The following ART3 variants were observed in gnomAD, a reference collection of about 807,000 sequenced individuals.
The protein encoded by ART3 is ADP-ribosyltransferase 3 (inactive), also known as ecto-ADP-ribosyltransferase 3.
ART3 carries 49 observed loss-of-function variants against 48.5 expected under a neutral mutation model. The observed-to-expected ratio is 1.01, with a 90% CI of 0.80 to 1.28. The LOEUF (loss-of-function observed/expected upper bound fraction) is 1.28, where lower values mean the gene tolerates loss of function less well. ART3 is among the 50% of genes most tolerant of loss of function. ART3 has a pLI of 0.00. For synonymous variants in ART3, 145 were observed against 157.2 expected, an observed-to-expected ratio of 0.92 and a Z score of 0.58; for missense variants, 438 against 454.3, an observed-to-expected ratio of 0.96 and a Z score of 0.33.
At chr4:76,057,162 G>C (rs1718773285) in intron 1 of ART3, among the ~76,000 whole-genome samples, 1 of 152,018 alleles carries the variant, frequency 6.6e-6, no homozygotes, top group East Asian at 1.9e-4. Flanking sequence ...TCATAATATT[G>C]ATATGTGTTA....
chr4:76,022,424 A>G, intron 1 of ART3: 2 of 1,613,536 alleles, frequency 1.2e-6, no homozygotes, highest in Non-Finnish European at 1.7e-6. Flanking sequence ...GGATTCAGAC[A>G]TCTCTTCTCA....
At chr4:76,101,077 T>C (rs1727208462) in intron 8 of ART3, 58 bp downstream of exon 8, 1 of 1,588,844 alleles carries the variant, frequency 6.3e-7, no homozygotes, top group Non-Finnish European at 8.6e-7. Flanking sequence ...TCCCTTTACA[T>C]GTGGGAACAG....
chr4:76,051,363 C>G (rs13113632), intron 1 of ART3, among the ~76,000 whole-genome samples: 1 of 151,870 alleles, frequency 6.6e-6, no homozygotes, highest in African/African-American at 2.4e-5. Flanking sequence ...ATTAAAATAC[C>G]CGTCCCAGAA....
At position 76,038,736 on chromosome 4, in the gene ART3, T is replaced by C. The variant is rs547226998; in HGVS notation, c.-10+27416T>C. Among the ~76,000 whole-genome samples the C allele has an allele frequency of 9.2e-4, 116 of 125,430 alleles. 2 individuals carry two copies. Among genetic ancestry groups the C allele is most frequent in the African/African-American group, 3.3e-3 (106 of 32,410 alleles). 82.3% of individuals were successfully genotyped at this position (125,430 alleles called of 152,430 possible). On this transcript the variant is annotated intron_variant, in intron 1 of 9. Transcript: ENST00000341029. ...ATTTATTTATTTATTTATTTATTTA[T>C]CTTTGAGATGGATTCTTGCTCTGTA...
chr4:76,087,503 T>C (rs1723864580), intron 3 of ART3, among the ~76,000 whole-genome samples: 1 of 152,164 alleles, frequency 6.6e-6, no homozygotes, highest in Non-Finnish European at 1.5e-5. Flanking sequence ...GAGAATCTTG[T>C]TCCATTGTGA....
At chr4:76,106,410 A>G in intron 10 of ART3, 9 of 974,364 alleles carry the variant, frequency 9.2e-6, no homozygotes, top group Non-Finnish European at 1.1e-5. Context: ...TTTATTTTAG[A>G]GAAAACAAAC....
intron 1 of ART3, chr4:76,034,304 A>G (rs919741368): frequency 1.3e-5 from 5 of 397,872 alleles, no homozygotes; most frequent in African/African-American, 8.2e-5. Context: ...TCCAGTAATA[A>G]TGTCAATGTC....
In ART3 at chr4:76,097,679, A is replaced by G. The variant is rs770210531; in HGVS notation, c.814+3A>G. ...CGAAAACTGTATTGAGAACCTAGGT[A>G]AGATAGCTTTAAAGTCTTATCCCTA... On this transcript the variant is annotated splice_donor_region_variant and intron_variant, in intron 4 of 11. Coordinates refer to ENST00000355810, the MANE Select transcript of ART3 (RefSeq NM_001130016.3). The G allele has an allele frequency of 1.9e-6, 3 of 1,607,758 alleles. No individual in the cohort carries two copies. The South Asian group carries it at 3.3e-5, about 18-fold the overall frequency.
At chr4:76,112,175 C>T (rs566890974) in intron 11 of ART3, among the ~76,000 whole-genome samples, 1 of 152,282 alleles carries the variant, frequency 6.6e-6, no homozygotes, top group Non-Finnish European at 1.5e-5. Flanking sequence ...CACCCCAACA[C>T]CCGTATTAAG....
intron 1 of ART3, among the ~76,000 whole-genome samples, chr4:76,018,447 A>AG (rs1732460347): frequency 1.3e-5 from 2 of 152,186 alleles, no homozygotes; most frequent in African/African-American, 4.8e-5. Context: ...CAGTGGGGGT[A>AG]GGGAGGAAGA....
intron 1 of ART3, chr4:76,035,169 A>G (rs1435326630): frequency 1.2e-6 from 2 of 1,613,254 alleles, no homozygotes; most frequent in African/African-American, 1.3e-5. Flanking sequence ...AAATACATAA[A>G]CAAAAAAGCC....
At chr4:76,036,014 G>A in intron 1 of ART3, 14 of 1,605,170 alleles carry the variant, frequency 8.7e-6, no homozygotes, top group Non-Finnish European at 1.2e-5. Context: ...TGCTGCTGGT[G>A]CTGCTGCTGC....
chr4:76,083,153 A>C (rs536650301), intron 3 of ART3, among the ~76,000 whole-genome samples: 1 of 152,288 alleles, frequency 6.6e-6, no homozygotes, highest in East Asian at 1.9e-4. Flanking sequence ...AGCTGTAATC[A>C]CACCACTGCA....
At chr4:76,051,897 TC>T (rs531177305) in intron 1 of ART3, among the ~76,000 whole-genome samples, 1,785 of 54,016 alleles carry the variant, frequency 0.033, 105 homozygotes, top group African/African-American at 0.15. Context: ...TCTCTCTCTC[TC>T]TTTTTTTTTT....
intron 1 of ART3, among the ~76,000 whole-genome samples, chr4:76,015,255 T>A (rs1449721072): frequency 6.6e-6 from 1 of 152,214 alleles, no homozygotes; most frequent in African/African-American, 2.4e-5. Flanking sequence ...CACAGTGCTG[T>A]AATCTGTGAC....
chr4:76,023,448 G>A, intron 1 of ART3: 1 of 1,611,726 alleles, frequency 6.2e-7, no homozygotes, highest in Non-Finnish European at 8.5e-7. Flanking sequence ...GAGACTGGAG[G>A]TTCCTCTGCT....
At chr4:76,101,489 C>T (rs971902406) in intron 8 of ART3, among the ~76,000 whole-genome samples, 9 of 152,118 alleles carry the variant, frequency 5.9e-5, no homozygotes, top group African/African-American at 2.2e-4. Context: ...CTCAAATGGC[C>T]GGGCGGGGTG....
At chr4:76,028,408 G>T (rs1043216346) in intron 1 of ART3, among the ~76,000 whole-genome samples, 1 of 152,192 alleles carries the variant, frequency 6.6e-6, no homozygotes, top group African/African-American at 2.4e-5. Context: ...TTCCGTTTCA[G>T]TCGCTATTGA....
chr4:76,043,775 A>G (rs1015983892), intron 1 of ART3, among the ~76,000 whole-genome samples: 9 of 150,224 alleles, frequency 6.0e-5, no homozygotes, highest in African/African-American at 2.2e-4. Flanking sequence ...AGTGCCGCCA[A>G]AGTGGAAGCC....
Sources: gnomAD v4.1 joint callset for allele counts (sites outside exome capture counted in the v4.1 genomes callset) on GRCh38, gnomAD v4.1.1 for gene constraint, MANE v1.5 for transcripts, NCBI Gene and HGNC (gene_info 2026-07-23, HGNC 2026-07-21) for gene names.